Variants in TOP2B observed in about 807,000 individuals in gnomAD.
TOP2B encodes DNA topoisomerase II beta, also known as DNA topoisomerase 2-beta.
TOP2B carries 51 observed loss-of-function variants against 193.5 expected under a neutral mutation model. The ratio of observed to expected loss-of-function variants is 0.26; its 90% CI spans 0.21 to 0.33. The LOEUF (loss-of-function observed/expected upper bound fraction) is 0.33. TOP2B is among the 10% of genes least tolerant of loss of function. TOP2B has a pLI of 1.00. For synonymous variants in TOP2B, 634 were observed against 635.7 expected, an observed-to-expected ratio of 1.00 and a Z score of 0.04; for missense variants, 1,378 against 1,909.3, an observed-to-expected ratio of 0.72 and a Z score of 5.19.
chr3:25,649,973 A>C (rs2125402304), intron 1 of TOP2B, among the ~76,000 whole-genome samples: 1 of 152,330 alleles, frequency 6.6e-6, no homozygotes, highest in African/African-American at 2.4e-5. Flanking sequence ...ACTCTGAAGA[A>C]CCAAGGGTCT....
chr3:25,634,965 C>G (rs1398622127), intron 7 of TOP2B, among the ~76,000 whole-genome samples: 1 of 151,992 alleles, frequency 6.6e-6, no homozygotes, highest in Non-Finnish European at 1.5e-5. Context: ...GATACAGGTT[C>G]ACCATGCACT....
In TOP2B at chr3:25,609,246, T is replaced by C. The variant is rs1352852717; in HGVS notation, c.4030A>G (p.Ser1344Gly). ...ACAGGTTCTGTTTCTTCCAAATCAC[T>C]TTCTGACTTGGATTCATCATCTGAC... is the stretch of plus-strand genomic sequence containing the variant. ...PWSDDESKSESDLEETEPVVI... is the reference protein window; with the variant it reads ...PWSDDESKSEGDLEETEPVVI... The change falls in exon 30 of 36, where the codon AGT becomes GGT. Residue 1344 changes from serine (S) to glycine (G), a missense_variant. Coordinates refer to ENST00000264331, the MANE Select transcript of TOP2B (RefSeq NM_001330700.2). 1.2e-6 allele frequency: 2 copies of C among 1,606,838 alleles called. No individual in the cohort carries two copies. The highest frequency in any genetic ancestry group is 1.7e-6 in the Non-Finnish European group (2 of 1,176,012).
chr3:25,658,921 T>C (rs997803842), intron 1 of TOP2B, among the ~76,000 whole-genome samples: 1 of 152,182 alleles, frequency 6.6e-6, no homozygotes, highest in Non-Finnish European at 1.5e-5. Context: ...ACCCAGTTTG[T>C]TTTTCTGAGG....
Position 25,615,457 on chromosome 3 carries a change from C to A in TOP2B, c.3481G>T (p.Glu1161Ter). The change falls in exon 26 of 36, where the codon GAA (glutamate) becomes TAA (stop). Residue 1161 changes from glutamate to a stop codon, truncating the protein, a stop_gained. Transcript: ENST00000264331. LOFTEE classifies it high-confidence loss of function. ...LWSLTKEKVE[E>*]LIKQRDAKGR... ...TTTGCATCTCTCTGTTTAATCAGTTCTTCAACTTTTTCTTTAGTAAGAGAC... is the reference window on the plus strand; with the variant it reads ...TTTGCATCTCTCTGTTTAATCAGTTATTCAACTTTTTCTTTAGTAAGAGAC... 6.4e-7 allele frequency: 1 copy of A among 1,561,826 alleles called. No individual in the cohort carries two copies. Among genetic ancestry groups the A allele is most frequent in the Non-Finnish European group, 8.6e-7 (1 of 1,156,574 alleles).
chr3:25,618,423 C>T lies in TOP2B; in HGVS notation c.3346G>A (p.Glu1116Lys). Residue 1116 changes from glutamate (E) to lysine (K), a missense_variant, in exon 25 of 36, where the codon GAA becomes AAA. By Grantham distance (56) the Glu-to-Lys change is moderately conservative. Around this residue, in one of 9 missense-constraint regions of TOP2B, gnomAD observed 556 missense variants for 584.2 expected, o/e 0.95. Coordinates refer to ENST00000264331, the MANE Select transcript of TOP2B (RefSeq NM_001330700.2). ...DPVKAWKEAQ[E>K]KAAEEDETQN... is the part of the protein sequence containing the mutation. ...CTTTTTCTGCAAATGATTACCTTTTCTTGTGCTTCTTTCCAGGCTTTCACT... is the reference window on the plus strand; with the variant it reads ...CTTTTTCTGCAAATGATTACCTTTTTTTGTGCTTCTTTCCAGGCTTTCACT... 2 of 1,609,362 alleles carry T rather than the reference C, an allele frequency of 1.2e-6. No homozygotes were observed. The highest frequency in any genetic ancestry group is 1.7e-6 in the Non-Finnish European group (2 of 1,176,268).
intron 4 of TOP2B, among the ~76,000 whole-genome samples, chr3:25,639,586 G>A (rs562473986): frequency 2.0e-4 from 31 of 152,346 alleles, no homozygotes; most frequent in African/African-American, 7.0e-4. Flanking sequence ...GATTACAGGC[G>A]TGAGCCACCG....
At chr3:25,637,983 T>C (rs10510570) in intron 5 of TOP2B, among the ~76,000 whole-genome samples, 182 bp downstream of exon 5, 1 of 151,618 alleles carries the variant, frequency 6.6e-6, no homozygotes, top group African/African-American at 2.4e-5. Context: ...GTACTATCAG[T>C]CTTAAGGTTT....
chr3:25,664,455 C>A lies in TOP2B; in HGVS notation c.-158G>T. On this transcript the variant is annotated 5_prime_UTR_variant, in exon 1 of 36. Coordinates refer to ENST00000264331, the MANE Select transcript of TOP2B (RefSeq NM_001330700.2). ...CATCGCGAAGATCCGGAGCGGACGTCCAGCCGAGCCCGCTGAGGAGGCCGC... is the reference window on the plus strand; with the variant it reads ...CATCGCGAAGATCCGGAGCGGACGTACAGCCGAGCCCGCTGAGGAGGCCGC... The A allele has an allele frequency of 4.0e-6, 5 of 1,236,624 alleles. No individual in the cohort carries two copies. The highest frequency in any genetic ancestry group is 5.0e-6 in the Non-Finnish European group (5 of 991,956). The allele number at this position is 1,236,624 out of a possible 1,614,324, so 76.6% of individuals were successfully genotyped here. A position where few individuals can be genotyped will look rare whatever the true frequency, so the allele number is the denominator to read the frequency against.
At chr3:25,635,683 T>C (rs373044102) in intron 7 of TOP2B, among the ~76,000 whole-genome samples, 3 of 151,896 alleles carry the variant, frequency 2.0e-5, no homozygotes, top group Admixed American at 6.6e-5. Context: ...GTGAATAAAA[T>C]AGACAAAGCA....
chr3:25,640,383 AG>A (rs939764978), intron 4 of TOP2B, among the ~76,000 whole-genome samples: 1 of 152,160 alleles, frequency 6.6e-6, no homozygotes, highest in African/African-American at 2.4e-5. Flanking sequence ...ACAAGAAAGG[AG>A]GGGTGAAAAA....
intron 6 of TOP2B, 50 bp from the exon 7 acceptor site, chr3:25,636,198 AAT>A: frequency 8.4e-7 from 1 of 1,194,496 alleles, no homozygotes; most frequent in Non-Finnish European, 1.2e-6. Flanking sequence ...CATATCTCAT[AAT>A]ATATAAAGAC....
intron 1 of TOP2B, 24 bp downstream of exon 1, chr3:25,664,205 C>T (rs1314392572): frequency 1.9e-6 from 3 of 1,539,090 alleles, no homozygotes; most frequent in Non-Finnish European, 2.6e-6. Context: ...ATGCAGCCGC[C>T]CGTCCCGGGG....
rs1701986041 is a variant in TOP2B, at chr3:25,598,424, T to G, written c.4764A>C (p.Ser1588=). ...GAGAAGGTGGCTCAGTAGGGAAGTCTGAGGGGAAGATGTCCACATCTGAAT... is the reference window on the plus strand; with the variant it reads ...GAGAAGGTGGCTCAGTAGGGAAGTCGGAGGGGAAGATGTCCACATCTGAAT... ...DQDSDVDIFP[S]DFPTEPPSLP... The change falls in exon 36 of 36, where the codon TCA becomes TCC. Residue 1588 remains serine (S), a synonymous_variant. Coordinates refer to ENST00000264331, the MANE Select transcript of TOP2B (RefSeq NM_001330700.2). 6.2e-7 allele frequency: 1 copy of G among 1,613,330 alleles called. No individual in the cohort carries two copies. Among genetic ancestry groups the G allele is most frequent in the Non-Finnish European group, 8.5e-7 (1 of 1,179,588 alleles).
At chr3:25,619,403 T>C (rs1379580967) in intron 23 of TOP2B, among the ~76,000 whole-genome samples, 1 of 152,194 alleles carries the variant, frequency 6.6e-6, no homozygotes, top group African/African-American at 2.4e-5. Context: ...TTTACTTTTT[T>C]AGATCTAAAA....
chr3:25,607,124 T>C (rs1322201549), intron 31 of TOP2B, 47 bp downstream of exon 31: 4 of 1,589,862 alleles, frequency 2.5e-6, no homozygotes, highest in Non-Finnish European at 3.4e-6. Flanking sequence ...CTTTGGCAAA[T>C]GTTTACAACA....
chr3:25,598,549 T>G (rs2125337256), intron 35 of TOP2B, 72 bp from the exon 36 acceptor site: 16 of 1,182,916 alleles, frequency 1.4e-5, no homozygotes, highest in Middle Eastern at 2.1e-4. Flanking sequence ...TATCACTCCT[T>G]AAACTTCGCT....
At chr3:25,627,153 C>T (rs749016687) in intron 16 of TOP2B, 34 bp downstream of exon 16, 1 of 1,465,442 alleles carries the variant, frequency 6.8e-7, no homozygotes, top group Non-Finnish European at 9.4e-7. Flanking sequence ...AGGGGGATGG[C>T]TAACAAAAGC....
chr3:25,615,581 T>C lies in TOP2B; in HGVS notation c.3357A>G (p.Ala1119=), dbSNP rs1053323931. 3 of 1,535,476 alleles carry C rather than the reference T, an allele frequency of 2.0e-6. No individual in the cohort carries two copies. Among genetic ancestry groups the C allele is most frequent in the Non-Finnish European group, 1.7e-6 (2 of 1,144,626 alleles). The change falls in exon 26 of 36, where the codon GCA becomes GCG. Residue 1119 remains alanine (A), a synonymous_variant. Transcript: ENST00000264331. Reference sequence around the variant, plus strand: ...GCTGGTTTTGTGTTTCATCCTCTTCTGCTGCCTGTAAAAAATAACAAACTG... The same window carrying C: ...GCTGGTTTTGTGTTTCATCCTCTTCCGCTGCCTGTAAAAAATAACAAACTG... ...KAWKEAQEKA[A]EEDETQNQHD...
chr3:25,625,999 C>T (rs563299699), intron 18 of TOP2B, among the ~76,000 whole-genome samples: 1 of 151,972 alleles, frequency 6.6e-6, no homozygotes, highest in African/African-American at 2.4e-5. Flanking sequence ...TAGGTAGAAA[C>T]ATCTGCTATT....
Sources: allele counts gnomAD v4.1 joint callset (sites outside exome capture counted in the v4.1 genomes callset), GRCh38; gene constraint gnomAD v4.1.1; regional missense constraint gnomAD v4.1.1; transcripts MANE v1.5; gene names NCBI Gene and HGNC (gene_info 2026-07-23, HGNC 2026-07-21).